Variants in PPFIA2 observed in about 807,000 individuals in gnomAD.
PPFIA2 encodes liprin-alpha-2.
A neutral mutation model predicts 175.5 loss-of-function variants in PPFIA2; 46 were observed. That is an observed-to-expected ratio of 0.26 (90% confidence interval 0.21 to 0.34). The LOEUF is 0.34. PPFIA2 is among the 10% of genes least tolerant of loss of function. PPFIA2 has a pLI of 1.00. For synonymous variants in PPFIA2, 568 were observed against 511.4 expected (o/e 1.11, Z -1.49); for missense variants, 1,179 against 1,506.1 (o/e 0.78, Z 3.60).
intron 22 of PPFIA2, among the ~76,000 whole-genome samples, chr12:81,300,592 T>C (rs1023514044): frequency 6.6e-6 from 1 of 152,202 alleles, no homozygotes; most frequent in Non-Finnish European, 1.5e-5. Flanking sequence ...ATAAATCAAC[T>C]GCTGTTTCAT....
chr12:81,319,749 T>A (rs148416426), intron 22 of PPFIA2, among the ~76,000 whole-genome samples: 175 of 151,980 alleles, frequency 1.2e-3, no homozygotes, highest in African/African-American at 4.1e-3. Context: ...ACTGGGAAAA[T>A]CTCTCATGAT....
chr12:81,632,286 T>C (rs988795555), intron 4 of PPFIA2, among the ~76,000 whole-genome samples: 3 of 152,066 alleles, frequency 2.0e-5, no homozygotes, highest in South Asian at 2.1e-4. Flanking sequence ...CCCAAATCAT[T>C]CTGTAAATAT....
intron 7 of PPFIA2, among the ~76,000 whole-genome samples, chr12:81,432,671 C>A (rs971224886): frequency 2.6e-5 from 4 of 151,924 alleles, no homozygotes; most frequent in African/African-American, 9.7e-5. Context: ...GTAGGTCAGG[C>A]TGGTCTTGAA....
At chr12:81,388,459 C>T (rs1036957726) in intron 8 of PPFIA2, among the ~76,000 whole-genome samples, 1 of 151,738 alleles carries the variant, frequency 6.6e-6, no homozygotes, top group African/African-American at 2.4e-5. Context: ...TCTATCATGG[C>T]AGGAAAACAG....
At chr12:81,617,966 C>G (rs2061577838) in intron 4 of PPFIA2, among the ~76,000 whole-genome samples, 1 of 152,136 alleles carries the variant, frequency 6.6e-6, no homozygotes, top group Non-Finnish European at 1.5e-5. Context: ...GGGACAAGAA[C>G]TAGAGCAAAG....
chr12:81,259,863 A>C (rs2034776965), intron 32 of PPFIA2: 1 of 402,694 alleles, frequency 2.5e-6, no homozygotes. Context: ...GAGCTTAACA[A>C]ATAATAGAAT....
chr12:81,621,343 T>C (rs1357922481), intron 4 of PPFIA2, among the ~76,000 whole-genome samples: 4 of 152,184 alleles, frequency 2.6e-5, no homozygotes, highest in Non-Finnish European at 5.9e-5. Flanking sequence ...AGCAGAGATA[T>C]AACAAGAATC....
chr12:81,293,157 A>G (rs924349307), intron 24 of PPFIA2, among the ~76,000 whole-genome samples: 1 of 152,142 alleles, frequency 6.6e-6, no homozygotes, highest in Non-Finnish European at 1.5e-5. Context: ...ATTCTCCCAT[A>G]TTTTATTATG....
At chr12:81,444,879 T>C (rs920131443) in intron 6 of PPFIA2, among the ~76,000 whole-genome samples, 3 of 152,134 alleles carry the variant, frequency 2.0e-5, no homozygotes, top group African/African-American at 7.2e-5. Flanking sequence ...GAAATTGAAA[T>C]ACGTCATAAG....
rs1421610954 is a variant in PPFIA2, at chr12:81,642,646, AC to A, written c.303+34144del. Among the ~76,000 whole-genome samples the A allele has an allele frequency of 1.7e-4, 18 of 105,202 alleles. 2 individuals carry two copies. Among genetic ancestry groups the A allele is most frequent in the Non-Finnish European group, 3.5e-4 (16 of 45,680 alleles). 69.0% of individuals were successfully genotyped at this position (105,202 alleles called of 152,430 possible). ...GATACTATATATCTATTATATACATACATGTATGTATCTATTATATACATAC... is the reference window on the plus strand; with the variant it reads ...GATACTATATATCTATTATATACATAATGTATGTATCTATTATATACATAC... On this transcript the variant is annotated intron_variant, in intron 4 of 32. Coordinates refer to ENST00000549396, the MANE Select transcript of PPFIA2 (RefSeq NM_003625.5).
intron 4 of PPFIA2, among the ~76,000 whole-genome samples, chr12:81,666,415 G>A (rs1312986605): frequency 6.6e-6 from 1 of 152,118 alleles, no homozygotes; most frequent in Non-Finnish European, 1.5e-5. Context: ...TATACACCAT[G>A]GAATATTATG....
In PPFIA2 at chr12:81,329,295, TA is replaced by T. The variant is rs370152841; in HGVS notation, c.2549-3426del. 1.6e-4 allele frequency among the ~76,000 whole-genome samples: 24 copies of T among 152,288 alleles called. No homozygotes were observed. In the East Asian group the frequency reaches 4.3e-3, roughly 27 times the overall value. On this transcript the variant is annotated intron_variant, in intron 21 of 32. Coordinates refer to ENST00000549396, the MANE Select transcript of PPFIA2 (RefSeq NM_003625.5). ...CCCATGATTCAGCAGACTACTTACA[TA>T]ATAAATTGTTTATCACCTTGTCAGG...
chr12:81,704,984 G>A (rs907051406), intron 3 of PPFIA2, among the ~76,000 whole-genome samples: 2 of 148,528 alleles, frequency 1.3e-5, no homozygotes, highest in Admixed American at 6.8e-5. Flanking sequence ...CTTGGGAGGC[G>A]GAGGCAGGAG....
At chr12:81,537,702 C>A (rs1327990074) in intron 4 of PPFIA2, among the ~76,000 whole-genome samples, 2 of 151,802 alleles carry the variant, frequency 1.3e-5, no homozygotes, top group Non-Finnish European at 2.9e-5. Flanking sequence ...ATCCCTTCTT[C>A]CTATTAGACT....
At chr12:81,378,313 G>A (rs2036869122) in intron 9 of PPFIA2, 1 of 151,870 alleles carries the variant, frequency 6.6e-6, no homozygotes, top group African/African-American at 2.4e-5. Context: ...TGGAATGTGT[G>A]CTGTCTTCTT....
intron 25 of PPFIA2, 99 bp from the exon 26 acceptor site, chr12:81,283,138 C>T: frequency 8.8e-7 from 1 of 1,137,034 alleles, no homozygotes; most frequent in Non-Finnish European, 1.3e-6. Flanking sequence ...AATTGTTATA[C>T]AAAATATTTT....
chr12:81,455,069 T>A (rs1347130956), intron 5 of PPFIA2, among the ~76,000 whole-genome samples: 1 of 152,172 alleles, frequency 6.6e-6, no homozygotes, highest in Non-Finnish European at 1.5e-5. Flanking sequence ...TTTCTTTACA[T>A]GTGAGAAGGA....
At chr12:81,698,441 G>A (rs1210567338) in intron 3 of PPFIA2, among the ~76,000 whole-genome samples, 1 of 152,036 alleles carries the variant, frequency 6.6e-6, no homozygotes, top group African/African-American at 2.4e-5. Context: ...CTAGCCAGAT[G>A]AGGACCCCTT....
chr12:81,290,969 T>G (rs910564679), intron 24 of PPFIA2, among the ~76,000 whole-genome samples: 4 of 151,924 alleles, frequency 2.6e-5, no homozygotes, highest in Admixed American at 2.6e-4. Context: ...CTAAAAGTGA[T>G]GTTGCAGTTG....
Sources: allele counts gnomAD v4.1 joint callset (sites outside exome capture counted in the v4.1 genomes callset), GRCh38; gene constraint gnomAD v4.1.1; transcripts MANE v1.5; gene names NCBI Gene and HGNC (gene_info 2026-07-23, HGNC 2026-07-21).